SEMA4B: variants seen among roughly 807,000 people sequenced by gnomAD.
The protein encoded by SEMA4B is semaphorin 4B, also known as semaphorin-4B.
In SEMA4B, 55 loss-of-function variants were observed where a neutral mutation model predicts 88.1. The ratio of observed to expected loss-of-function variants is 0.62; its 90% CI spans 0.50 to 0.78. The LOEUF is 0.78. Ranked by LOEUF, SEMA4B falls within the 30% of genes least tolerant of loss-of-function variation. SEMA4B has a pLI of 0.00. For synonymous variants in SEMA4B, 525 were observed against 473.6 expected (o/e 1.11, Z -1.41); for missense variants, 1,062 against 1,111.9 (o/e 0.96, Z 0.64).
Position 90,221,381 on chromosome 15 carries a change from A to G in SEMA4B, c.610A>G (p.Thr204Ala), listed in dbSNP as rs374692659. The change falls in exon 6 of 14, where the codon ACT becomes GCT. Residue 204 changes from threonine (T) to alanine (A), a missense_variant. Transcript: ENST00000411539. ...TTTCTTGGCAGATGGCGAGCTCTAC[A>G]CTGGAACAGTCAGCAGCTTCCAAGG... is the stretch of plus-strand genomic sequence containing the variant. ...TALVVDGELYTGTVSSFQGND... is the reference protein window; with the variant it reads ...TALVVDGELYAGTVSSFQGND... 1.7e-5 allele frequency: 26 copies of G among 1,565,772 alleles called. No individual in the cohort carries two copies. Among genetic ancestry groups the G allele is most frequent in the Non-Finnish European group, 2.2e-5 (26 of 1,156,202 alleles).
rs1443920957 is a variant in SEMA4B at position 90,229,071 on chromosome 15, A to C, written c.*428A>C. ...GAGACAGAGTTGGAAACCCTCACCA[A>C]CTGGCCTCTTCACCTTCCACATTAT... On this transcript the variant is annotated 3_prime_UTR_variant, in exon 14 of 14. Coordinates refer to ENST00000411539, the MANE Select transcript of SEMA4B (RefSeq NM_198925.4). The C allele has an allele frequency of 2.8e-6, 1 of 355,180 alleles. No individual in the cohort carries two copies. The allele number at this position is 355,180 out of a possible 1,614,324, so 22.0% of individuals were successfully genotyped here.
upstream of SEMA4B, among the ~76,000 whole-genome samples, chr15:90,200,021 G>A (rs530411844): frequency 2.3e-4 from 35 of 152,306 alleles, no homozygotes; most frequent in African/African-American, 7.7e-4. Context: ...CCAGTTCTGG[G>A]AGCCCCTTTA....
At chr15:90,197,257 G>A (rs1362067271), upstream of SEMA4B, among the ~76,000 whole-genome samples, 1 of 152,010 alleles carries the variant, frequency 6.6e-6, no homozygotes, top group Non-Finnish European at 1.5e-5. Flanking sequence ...GAGTGTGGTG[G>A]TGCATGCCTG....
At position 90,221,421 on chromosome 15, in the gene SEMA4B, T is replaced by C; in HGVS notation, c.650T>C (p.Ile217Thr). 1 of 1,582,922 alleles carries C rather than the reference T, an allele frequency of 6.3e-7. No individual in the cohort carries two copies. The highest frequency in any genetic ancestry group is 1.4e-5 in the African/African-American group (1 of 74,040). Reference protein sequence around the residue: ...VSSFQGNDPAISRSQSLRPTK... With the variant: ...VSSFQGNDPATSRSQSLRPTK... ...AGCTTCCAAGGGAATGACCCGGCCA[T>C]CTCGCGGAGCCAAAGCCTTCGCCCC... The change falls in exon 6 of 14, where the codon ATC becomes ACC. Residue 217 changes from isoleucine to threonine, a missense_variant. Transcript: ENST00000411539.
chr15:90,224,867 G>A lies in SEMA4B; in HGVS notation c.1195-101G>A, dbSNP rs190387030. 3,877 of 958,188 alleles carry A rather than the reference G, an allele frequency of 4.0e-3. 109 individuals are homozygous for A. The Admixed American group carries it at 0.057, about 14-fold the overall frequency. The allele number at this position is 958,188 out of a possible 1,614,324, so 59.4% of individuals were successfully genotyped here. On this transcript the variant is annotated intron_variant, in intron 9 of 13. Coordinates refer to ENST00000411539, the MANE Select transcript of SEMA4B (RefSeq NM_198925.4). Reference sequence around the variant, plus strand: ...CCAGGGATGTGCCCTGGCTCCGGGCGGGGGGACAGACACCGCTACTGTCCA... The same window carrying A: ...CCAGGGATGTGCCCTGGCTCCGGGCAGGGGGACAGACACCGCTACTGTCCA...
chr15:90,207,620 G>C (rs1223663117), intron 1 of SEMA4B, among the ~76,000 whole-genome samples: 1 of 152,210 alleles, frequency 6.6e-6, no homozygotes, highest in African/African-American at 2.4e-5. Context: ...CACAGTTCTC[G>C]ATTCAGCAAC....
rs201234719 is a variant in SEMA4B at position 90,221,658 on chromosome 15, A to G, written c.754A>G (p.Ser252Gly). Residue 252 changes from serine (S) to glycine (G), a missense_variant, in exon 7 of 14, where the codon AGC becomes GGC. Coordinates refer to ENST00000411539, the MANE Select transcript of SEMA4B (RefSeq NM_198925.4). ...AGCCTACATTCCTGAGAGCCTGGGC[A>G]GCTTGCAAGGCGATGATGACAAGAT... Reference protein sequence around the residue: ...ASAYIPESLGSLQGDDDKIYF... With the variant: ...ASAYIPESLGGLQGDDDKIYF... 3.7e-6 allele frequency: 6 copies of G among 1,614,072 alleles called. No individual in the cohort carries two copies. The highest frequency in any genetic ancestry group is 5.1e-6 in the Non-Finnish European group (6 of 1,179,906).
chr15:90,217,487 A>G lies in SEMA4B; in HGVS notation c.206A>G (p.Asn69Ser). Residue 69 changes from asparagine (N) to serine (S), a missense_variant, in exon 2 of 14, where the codon AAC (asparagine) becomes AGC (serine). Physicochemically the swap from Asn to Ser is conservative, Grantham distance 46. Transcript: ENST00000411539. The stretch of plus-strand genomic sequence containing the variant: ...AGATTCGAAGCTGAACACATCTCCA[A>G]CTACACAGCCCTTCTGCTGAGCAGG... ...FLRFEAEHISNYTALLLSRDG... is the reference protein window; with the variant it reads ...FLRFEAEHISSYTALLLSRDG... 1 of 1,613,780 alleles carries G rather than the reference A, an allele frequency of 6.2e-7. No individual in the cohort carries two copies. The highest frequency in any genetic ancestry group is 8.5e-7 in the Non-Finnish European group (1 of 1,179,816).
At chr15:90,219,721 G>GC in intron 3 of SEMA4B, 72 bp from the exon 4 acceptor site, 2 of 1,207,772 alleles carry the variant, frequency 1.7e-6, no homozygotes, top group Non-Finnish European at 2.4e-6. Context: ...GGTGTGGAAG[G>GC]GGGGGCTCGG....
At chr15:90,192,303 G>C (rs1960367984) in intron 1 of SEMA4B, among the ~76,000 whole-genome samples, 1 of 152,226 alleles carries the variant, frequency 6.6e-6, no homozygotes, top group African/African-American at 2.4e-5. Context: ...CCAGAGCCAG[G>C]TTCCCCTGGG....
In SEMA4B at chr15:90,225,135, C is replaced by A. The variant is rs772067470; in HGVS notation, c.1362C>A (p.Val454=). The part of the protein sequence containing the change: ...ARYQRVAVHR[V]PGLHHTYDVL... Reference sequence around the variant, plus strand: ...ACCAGCGCGTGGCTGTACACCGCGTCCCTGGCCTGCACCACACCTACGATG... The same window carrying A: ...ACCAGCGCGTGGCTGTACACCGCGTACCTGGCCTGCACCACACCTACGATG... Residue 454 remains valine, a synonymous_variant, in exon 10 of 14, where the codon GTC becomes GTA. Coordinates refer to ENST00000411539, the MANE Select transcript of SEMA4B (RefSeq NM_198925.4). The A allele has an allele frequency of 1.1e-5, 17 of 1,612,864 alleles. No individual in the cohort carries two copies. The highest frequency in any genetic ancestry group is 1.4e-5 in the Non-Finnish European group (16 of 1,179,586).
At chr15:90,192,291 C>G (rs1003882134) in intron 1 of SEMA4B, among the ~76,000 whole-genome samples, 1 of 152,252 alleles carries the variant, frequency 6.6e-6, no homozygotes, top group African/African-American at 2.4e-5. Context: ...ACTGTGGGAG[C>G]TCCAGAGCCA....
Position 90,227,930 on chromosome 15 carries a change from T to C in SEMA4B, c.1801T>C (p.Phe601Leu), listed in dbSNP as rs540005704. The change falls in exon 14 of 14, where the codon TTC (phenylalanine) becomes CTC (leucine). Residue 601 changes from phenylalanine to leucine, a missense_variant. Physicochemically the swap from Phe to Leu is conservative, Grantham distance 22. Coordinates refer to ENST00000411539, the MANE Select transcript of SEMA4B (RefSeq NM_198925.4). The part of the protein sequence containing the change: ...TGEKPCEQVQ[F>L]QPNTVNTLAC... ...GGAGAAGCCATGTGAGCAAGTCCAG[T>C]TCCAGCCCAACACAGTGAACACTTT... is the stretch of plus-strand genomic sequence containing the variant. 10 of 1,612,972 alleles carry C rather than the reference T, an allele frequency of 6.2e-6. No individual in the cohort carries two copies. Among genetic ancestry groups the C allele is most frequent in the Non-Finnish European group, 7.6e-6 (9 of 1,179,872 alleles).
chr15:90,227,447 G>A lies in SEMA4B; in HGVS notation c.1689-110G>A, dbSNP rs956023227. 7 of 823,034 alleles carry A rather than the reference G, an allele frequency of 8.5e-6. No homozygotes were observed. The South Asian group carries it at 9.8e-5, about 12-fold the overall frequency. The allele number at this position is 823,034 out of a possible 1,614,324, so 51.0% of individuals were successfully genotyped here. ...GGAGATGCTGACTCCTGTGGGTGGG[G>A]AATCAGCTCAGGAAAGGCCCTTGCC... On this transcript the variant is annotated intron_variant, in intron 12 of 13. Transcript: ENST00000411539.
At chr15:90,211,866 C>CTT (rs1961283889) in intron 1 of SEMA4B, among the ~76,000 whole-genome samples, 1 of 152,164 alleles carries the variant, frequency 6.6e-6, no homozygotes, top group African/African-American at 2.4e-5. Flanking sequence ...CCTGATCCTG[C>CTT]TGGGGCCTGT....
rs1412179756 is a variant in SEMA4B, at chr15:90,212,434, A to G, written c.158-5005A>G. Among the ~76,000 whole-genome samples the G allele has an allele frequency of 2.0e-5, 3 of 152,176 alleles. No individual in the cohort carries two copies. Among genetic ancestry groups the G allele is most frequent in the African/African-American group, 7.2e-5 (3 of 41,460 alleles). On this transcript the variant is annotated intron_variant, in intron 1 of 13. Transcript: ENST00000411539. The surrounding 1 kb of genome is among the most constrained non-coding windows in gnomAD (Gnocchi z 4.0). ...TTCATACTGGACTAACCCACTGGATAGATGGATTTAGAGGATGTCCGAGCA... is the reference window on the plus strand; with the variant it reads ...TTCATACTGGACTAACCCACTGGATGGATGGATTTAGAGGATGTCCGAGCA...
intron 1 of SEMA4B, among the ~76,000 whole-genome samples, chr15:90,186,216 G>C (rs1189240040): frequency 2.0e-5 from 3 of 151,666 alleles, no homozygotes; most frequent in African/African-American, 7.3e-5. Flanking sequence ...TTATAGGCTT[G>C]AGCCACCACG....
intron 1 of SEMA4B, among the ~76,000 whole-genome samples, chr15:90,207,930 A>G (rs767679554): frequency 5.3e-5 from 8 of 152,148 alleles, no homozygotes; most frequent in Admixed American, 1.3e-4. Context: ...CTGGAGATAC[A>G]TTTTGTTTGA....
At chr15:90,214,632 T>C (rs1170919208) in intron 1 of SEMA4B, among the ~76,000 whole-genome samples, 2 of 23,214 alleles carry the variant, frequency 8.6e-5, no homozygotes, top group East Asian at 1.8e-3. Context: ...AAACACCATC[T>C]CAAAAAAAAA....
Sources: gnomAD v4.1 joint callset for allele counts (sites outside exome capture counted in the v4.1 genomes callset) on GRCh38, gnomAD v4.1.1 for gene constraint, Gnocchi (gnomAD v3.1) non-coding constraint, MANE v1.5 for transcripts, NCBI Gene and HGNC (gene_info 2026-07-23, HGNC 2026-07-21) for gene names.